The following RNF17 variants were observed in gnomAD, a reference collection of about 807,000 sequenced individuals.
RNF17 encodes ring finger protein 17, also known as spermatogenesis associated 23.
RNF17 carries 31 observed loss-of-function variants against 200.5 expected under a neutral mutation model. The ratio of observed to expected loss-of-function variants is 0.15; its 90% CI spans 0.12 to 0.21. RNF17 has a LOEUF of 0.21. Ranked by LOEUF, RNF17 falls within the 10% of genes least tolerant of loss-of-function variation. The probability of loss-of-function intolerance (pLI) is 1.00; values close to 1 mark genes in which losing one functional copy is unlikely to be tolerated. For synonymous variants in RNF17, 606 were observed against 637.8 expected (o/e 0.95, Z 0.75); for missense variants, 1,628 against 1,905.1 (o/e 0.85, Z 2.71).
the RNF17 span, among the ~76,000 whole-genome samples, chr13:24,752,496 C>T: frequency 2.6e-5 from 4 of 152,238 alleles, no homozygotes; most frequent in Admixed American, 6.5e-5. Flanking sequence ...TCCCACACTG[C>T]GTGACCTCAG....
Position 24,854,152 on chromosome 13 carries a change from C to T in RNF17, c.3610+8C>T. 1 of 1,598,812 alleles carries T rather than the reference C, an allele frequency of 6.3e-7. No individual in the cohort carries two copies. The highest frequency in any genetic ancestry group is 8.5e-7 in the Non-Finnish European group (1 of 1,169,668). On this transcript the variant is annotated splice_region_variant and intron_variant, in intron 25 of 35. Coordinates refer to ENST00000255324, the MANE Select transcript of RNF17 (RefSeq NM_031277.3). ...TAGTACCTAAACTATCAGGTGAGAC[C>T]TTCTATGTTATGTAGGCTCTAGTTC...
chr13:24,764,888 G>GGGGGGGGTGT (rs899352115), intron 1 of RNF17, among the ~76,000 whole-genome samples: 2 of 134,090 alleles, frequency 1.5e-5, no homozygotes, highest in East Asian at 4.1e-4. Context: ...CACCTTGTGG[G>GGGGGGGGTGT]GTGTGTGTGT....
At chr13:24,883,063 A>T, downstream of RNF17, 1 of 950,594 alleles carries the variant, frequency 1.1e-6, no homozygotes, top group Non-Finnish European at 1.7e-6. Context: ...CTTTTATTTT[A>T]GAATCTAATC....
At chr13:24,883,829 G>C, downstream of RNF17, 3 of 930,238 alleles carry the variant, frequency 3.2e-6, no homozygotes, top group South Asian at 4.0e-5. Flanking sequence ...CATGCCTGTG[G>C]GACATTCATT....
chr13:24,863,326 C>CTGACTGG (rs1021438829), intron 28 of RNF17, among the ~76,000 whole-genome samples: 1 of 152,154 alleles, frequency 6.6e-6, no homozygotes, highest in Admixed American at 6.5e-5. Context: ...TAATGTTCTC[C>CTGACTGG]TGACTGGGGA....
chr13:24,767,984 A>G (rs994962922), intron 2 of RNF17, among the ~76,000 whole-genome samples: 1 of 152,038 alleles, frequency 6.6e-6, no homozygotes, highest in African/African-American at 2.4e-5. Context: ...TAAAAACCCT[A>G]GCCCCTGTTT....
At chr13:24,798,847 C>G (rs1593280034) in intron 11 of RNF17, among the ~76,000 whole-genome samples, 1 of 152,016 alleles carries the variant, frequency 6.6e-6, no homozygotes, top group East Asian at 1.9e-4. Context: ...ACAGCTAAGT[C>G]TTTAGTTCAT....
chr13:24,774,843 T>C lies in RNF17; in HGVS notation c.256T>C (p.Tyr86His). The part of the protein sequence containing the change: ...VATAVNTRQR[Y>H]YPMAGYIKED... ...TACAGCTGTAAATACTAGACAACGC[T>C]ACTACCCAATGGCTGGATATATTAA... The change falls in exon 3 of 36, where the codon TAC becomes CAC. Residue 86 changes from tyrosine (Y) to histidine (H), a missense_variant. Transcript: ENST00000255324. 2 of 1,612,784 alleles carry C rather than the reference T, an allele frequency of 1.2e-6. No homozygotes were observed. The highest frequency in any genetic ancestry group is 8.5e-7 in the Non-Finnish European group (1 of 1,178,968).
At chr13:24,880,702 C>T (rs9511497), downstream of RNF17, among the ~76,000 whole-genome samples, 119,575 of 152,060 alleles carry the variant, frequency 0.79, 47,429 homozygotes, top group East Asian at 0.85. Flanking sequence ...ACATGAGCGG[C>T]TTTCTAGTAC....
At position 24,874,226 on chromosome 13, in the gene RNF17, A is replaced by G; in HGVS notation, c.4560A>G (p.Ser1520=). The change falls in exon 33 of 36, where the codon TCA becomes TCG. Residue 1520 remains serine, a synonymous_variant. Transcript: ENST00000255324. ...SILVQFVDYG[S]TAKLTLNRLC... ...TAGTACAATTTGTTGATTATGGATC[A>G]ACTGCAAAGCTGACATTAAACAGGT... is the stretch of plus-strand genomic sequence containing the variant. 1.2e-6 allele frequency: 2 copies of G among 1,604,392 alleles called. No individual in the cohort carries two copies.
downstream of RNF17, chr13:24,884,014 T>A: frequency 6.2e-7 from 1 of 1,614,132 alleles, no homozygotes; most frequent in Non-Finnish European, 8.5e-7. Context: ...TTCTTGTCCA[T>A]CAGGAAATAA....
At chr13:24,884,110 A>AT, downstream of RNF17, 2 of 1,605,588 alleles carry the variant, frequency 1.2e-6, no homozygotes, top group Non-Finnish European at 1.7e-6. Context: ...TACAGTAAAT[A>AT]TTTTTTGAAG....
the RNF17 span, among the ~76,000 whole-genome samples, chr13:24,749,952 G>T: frequency 6.6e-6 from 1 of 152,022 alleles, no homozygotes; most frequent in East Asian, 1.9e-4. Flanking sequence ...GAGTTTCGCC[G>T]TGTTGGTCAG....
chr13:24,765,321 A>G (rs906613119), intron 1 of RNF17, among the ~76,000 whole-genome samples: 7 of 152,220 alleles, frequency 4.6e-5, no homozygotes, highest in African/African-American at 1.7e-4. Flanking sequence ...GGCCGGTTCA[A>G]GTTATTTTAA....
At chr13:24,815,631 G>T (rs190626644) in intron 15 of RNF17, among the ~76,000 whole-genome samples, 1 of 152,102 alleles carries the variant, frequency 6.6e-6, no homozygotes, top group Non-Finnish European at 1.5e-5. Context: ...GAAGAAGCAG[G>T]CTTCCTTGTC....
rs551740789 is a variant in RNF17 at position 24,802,382 on chromosome 13, A to G, written c.1760A>G (p.Asn587Ser). The G allele has an allele frequency of 3.1e-6, 5 of 1,609,500 alleles. No individual in the cohort carries two copies. The South Asian group carries it at 3.3e-5, about 11-fold the overall frequency. ...ATGGAATTTTACTTTCTTGCACAGA[A>G]TGAAGGCTGGGAAGAGGAAGCTAAA... ...SLKDIVPQNS[N>S]EGWEEEAKVE... Residue 587 changes from asparagine to serine, a missense_variant and splice_region_variant, in exon 14 of 36, where the codon AAT becomes AGT. Physicochemically the swap from Asn to Ser is conservative, Grantham distance 46. Around this residue, in one of 5 missense-constraint regions of RNF17, gnomAD observed 289 missense variants for 384.9 expected, o/e 0.75. Coordinates refer to ENST00000255324, the MANE Select transcript of RNF17 (RefSeq NM_031277.3).
chr13:24,851,518 T>A lies in RNF17; in HGVS notation c.3267T>A (p.Arg1089=), dbSNP rs142302321. The change falls in exon 24 of 36, where the codon CGT becomes CGA. Residue 1089 remains arginine (R), a synonymous_variant. Coordinates refer to ENST00000255324, the MANE Select transcript of RNF17 (RefSeq NM_031277.3). The part of the protein sequence containing the change: ...KIFCRDEKGE[R]VDVSKYLIKK... Reference sequence around the variant, plus strand: ...TCTGCAGAGATGAAAAAGGAGAGCGTGTTGATGTTTCTAAATATTTGATTA... The same window carrying A: ...TCTGCAGAGATGAAAAAGGAGAGCGAGTTGATGTTTCTAAATATTTGATTA... The A allele has an allele frequency of 5.6e-6, 9 of 1,613,672 alleles. No individual in the cohort carries two copies. Among genetic ancestry groups the A allele is most frequent in the Middle Eastern group, 3.3e-4 (2 of 6,084 alleles).
chr13:24,754,177 AT>A, the RNF17 span, among the ~76,000 whole-genome samples: 94 of 151,428 alleles, frequency 6.2e-4, no homozygotes, highest in Middle Eastern at 3.4e-3. Flanking sequence ...TAAAAAAAAA[AT>A]AAAATAAAAT....
At chr13:24,842,357 A>G (rs574646404) in intron 19 of RNF17, among the ~76,000 whole-genome samples, 196 bp downstream of exon 19, 43 of 152,248 alleles carry the variant, frequency 2.8e-4, no homozygotes, top group Non-Finnish European at 5.3e-4. Flanking sequence ...TTTTCCCTCC[A>G]TTACTAAGGA....
Sources: gnomAD v4.1 joint callset for allele counts (sites outside exome capture counted in the v4.1 genomes callset) on GRCh38, gnomAD v4.1.1 for gene constraint, gnomAD v4.1.1 regional missense constraint, MANE v1.5 for transcripts, NCBI Gene and HGNC (gene_info 2026-07-23, HGNC 2026-07-21) for gene names.